DRC9: variants seen among roughly 807,000 people sequenced by gnomAD.
DRC9 encodes the protein dynein regulatory complex subunit 9.
chr3:197,919,005 T>C, the DRC9 span, among the ~76,000 whole-genome samples: 2 of 151,852 alleles, frequency 1.3e-5, no homozygotes, highest in African/African-American at 4.8e-5. Context: ...ACAGGGTTTC[T>C]CCATGTTAGT....
the DRC9 span, among the ~76,000 whole-genome samples, chr3:197,937,118 CAAA>C: frequency 6.6e-6 from 1 of 152,190 alleles, no homozygotes; most frequent in South Asian, 2.1e-4. Flanking sequence ...TAAAGCTTTT[CAAA>C]AACAGACTTC....
At chr3:197,932,725 G>C in the DRC9 span, among the ~76,000 whole-genome samples, 3 of 148,306 alleles carry the variant, frequency 2.0e-5, no homozygotes, top group Non-Finnish European at 4.5e-5. Context: ...TACTTGGGAG[G>C]CTGAGGTGGA....
chr3:197,898,255 A>G, the DRC9 span, among the ~76,000 whole-genome samples: 1 of 152,238 alleles, frequency 6.6e-6, no homozygotes, highest in East Asian at 1.9e-4. Flanking sequence ...TACAAAGGAA[A>G]TAACAAATTA....
At chr3:197,902,392 C>T in the DRC9 span, among the ~76,000 whole-genome samples, 5 of 151,954 alleles carry the variant, frequency 3.3e-5, no homozygotes, top group African/African-American at 9.7e-5. Context: ...AGGGACTAAT[C>T]GTGGAGAAAC....
chr3:197,952,504 T>A, the DRC9 span: 9 of 152,122 alleles, frequency 5.9e-5, no homozygotes, highest in African/African-American at 2.2e-4. Context: ...TTTTTTTCTT[T>A]CTTTTTTGAG....
the DRC9 span, among the ~76,000 whole-genome samples, chr3:197,898,148 ACG>A: frequency 1.3e-5 from 2 of 152,022 alleles, no homozygotes; most frequent in African/African-American, 2.4e-5. Context: ...ACCTCCAGTG[ACG>A]GGGCTGTTGT....
the DRC9 span, chr3:197,926,199 G>C: frequency 1.4e-6 from 1 of 702,758 alleles, no homozygotes; most frequent in Non-Finnish European, 2.6e-6. Context: ...CCAGATTCCT[G>C]GCCTCTTCCC....
chr3:197,952,377 C>T, the DRC9 span, among the ~76,000 whole-genome samples: 1 of 151,904 alleles, frequency 6.6e-6, no homozygotes, highest in African/African-American at 2.4e-5. Flanking sequence ...ACCATTTTGG[C>T]CAGGCTGGTC....
the DRC9 span, chr3:197,925,967 T>C: frequency 1.1e-6 from 1 of 877,938 alleles, no homozygotes; most frequent in Non-Finnish European, 2.0e-6. Flanking sequence ...ATGGCTTCCA[T>C]ATATTTAATA....
the DRC9 span, chr3:197,957,027 CTA>C: frequency 6.6e-6 from 1 of 152,108 alleles, no homozygotes; most frequent in African/African-American, 2.4e-5. Context: ...GTTCTCTTGT[CTA>C]TGCTGCAAAA....
chr3:197,892,532 C>T, the DRC9 span: 4 of 1,422,682 alleles, frequency 2.8e-6, no homozygotes. Context: ...TCCACTCCCT[C>T]CTCAGTGAGT....
At chr3:197,933,626 GT>G in the DRC9 span, among the ~76,000 whole-genome samples, 41 of 151,680 alleles carry the variant, frequency 2.7e-4, no homozygotes, top group Non-Finnish European at 4.7e-4. Flanking sequence ...TAGAGACTTG[GT>G]TTTTTTTAAA....
the DRC9 span, among the ~76,000 whole-genome samples, chr3:197,902,891 A>G: frequency 3.3e-5 from 5 of 152,210 alleles, no homozygotes; most frequent in Non-Finnish European, 5.9e-5. Flanking sequence ...CCTGAGTAAA[A>G]ATAAACTGGA....
At chr3:197,950,099 ATTGT>A in the DRC9 span, 1 of 1,228,898 alleles carries the variant, frequency 8.1e-7, no homozygotes, top group Non-Finnish European at 1.0e-6. Flanking sequence ...ATTTCCGAGG[ATTGT>A]TTTTCTGGCG....
chr3:197,960,036 A>G, the DRC9 span: 15 of 594,384 alleles, frequency 2.5e-5, no homozygotes, highest in Non-Finnish European at 4.1e-5. Flanking sequence ...GCCTCCAAAC[A>G]GCATTTATTG....
chr3:197,949,875 C>T, the DRC9 span: 2 of 393,606 alleles, frequency 5.1e-6, no homozygotes, highest in Non-Finnish European at 8.9e-6. Flanking sequence ...ACATCCTCCA[C>T]TCAGGGTTCG....
chr3:197,920,737 TA>T, the DRC9 span, among the ~76,000 whole-genome samples: 1 of 152,230 alleles, frequency 6.6e-6, no homozygotes, highest in African/African-American at 2.4e-5. Flanking sequence ...TAGATTTTTA[TA>T]TATGAATCTT....
At chr3:197,935,161 C>T in the DRC9 span, among the ~76,000 whole-genome samples, 2 of 152,128 alleles carry the variant, frequency 1.3e-5, no homozygotes, top group East Asian at 3.9e-4. Context: ...AATTTTGTGG[C>T]CGGGCGCAGT....
chr3:197,950,844 A>G, the DRC9 span: 48 of 1,185,044 alleles, frequency 4.1e-5, no homozygotes, highest in African/African-American at 5.9e-4. Context: ...CTCCCATCCA[A>G]AAGGAATTTG....
Sources: allele counts gnomAD v4.1 joint callset (sites outside exome capture counted in the v4.1 genomes callset), GRCh38; gene constraint gnomAD v4.1.1; transcripts MANE v1.5; gene names NCBI Gene and HGNC (gene_info 2026-07-23, HGNC 2026-07-21).